The following DNHD1 variants were observed in gnomAD, a reference collection of about 807,000 sequenced individuals.
DNHD1 encodes the protein dynein heavy chain domain 1.
Under a neutral mutation model 458.1 loss-of-function variants are expected in DNHD1, and 383 were observed. That is an observed-to-expected ratio of 0.84 (90% CI 0.77 to 0.91). DNHD1 has a LOEUF of 0.91. Among genes scored for constraint, DNHD1 ranks in the 40% least tolerant of loss-of-function variants. The probability of loss-of-function intolerance (pLI) is 0.00; values close to 1 mark genes in which losing one functional copy is unlikely to be tolerated. For synonymous variants in DNHD1, 2,203 were observed against 2,376.9 expected (o/e 0.93, Z 2.13); for missense variants, 5,336 against 5,866.1 (o/e 0.91, Z 2.95).
chr11:6,558,115 A>G lies in DNHD1; in HGVS notation c.8820A>G (p.Pro2940=). ...GGCATGCTGGCATGTTAAGCCAGCCAGTGGCTCTGTTGGTACCCAGTGGTG... is the reference window on the plus strand; with the variant it reads ...GGCATGCTGGCATGTTAAGCCAGCCGGTGGCTCTGTTGGTACCCAGTGGTG... ...ASWHAGMLSQ[P]VALLVPSGVD... Residue 2940 remains proline (P), a synonymous_variant, in exon 25 of 43, where the codon CCA becomes CCG. Coordinates refer to ENST00000254579, the MANE Select transcript of DNHD1 (RefSeq NM_144666.3). 6.4e-7 allele frequency: 1 copy of G among 1,551,740 alleles called. No individual in the cohort carries two copies. The highest frequency in any genetic ancestry group is 2.0e-5 in the Admixed American group (1 of 51,014).
chr11:6,564,019 C>G lies in DNHD1; in HGVS notation c.10179C>G (p.Asn3393Lys). 1 of 1,551,764 alleles carries G rather than the reference C, an allele frequency of 6.4e-7. No homozygotes were observed. The highest frequency in any genetic ancestry group is 8.7e-7 in the Non-Finnish European group (1 of 1,147,012). ...KMVEDAQASH[N>K]CVAKTLSQAQ... The stretch of plus-strand genomic sequence containing the variant: ...TGGAGGATGCCCAAGCTTCCCACAA[C>G]TGCGTGGCAAAGACCCTCAGTCAAG... The change falls in exon 31 of 43, where the codon AAC becomes AAG. Residue 3393 changes from asparagine to lysine, a missense_variant. Transcript: ENST00000254579.
chr11:6,532,952 C>A, intron 12 of DNHD1, 75 bp from the exon 13 acceptor site: 8 of 1,429,064 alleles, frequency 5.6e-6, no homozygotes, highest in Non-Finnish European at 7.6e-6. Flanking sequence ...CCTACTCCCA[C>A]TCTGGACCAC....
chr11:6,552,728 G>C (rs1853386061), intron 24 of DNHD1, among the ~76,000 whole-genome samples: 1 of 151,932 alleles, frequency 6.6e-6, no homozygotes, highest in Non-Finnish European at 1.5e-5. Flanking sequence ...CAGCATGGGG[G>C]AAGCCGGCCC....
Position 6,568,709 on chromosome 11 carries a change from C to G in DNHD1, c.12706C>G (p.Leu4236Val). ...HSMPVFWNQS[L>V]ELGHVLIDSV... ...CATGCCTGTTTTCTGGAACCAGTCCCTGGAGCTGGGCCATGTTTTGATTGA... is the reference window on the plus strand; with the variant it reads ...CATGCCTGTTTTCTGGAACCAGTCCGTGGAGCTGGGCCATGTTTTGATTGA... Residue 4236 changes from leucine to valine, a missense_variant, in exon 39 of 43, where the codon CTG (leucine) becomes GTG (valine). By Grantham distance (32) the Leu-to-Val change is conservative. This residue lies in a region of DNHD1 where 695 missense variants were observed against 804.2 expected (regional missense o/e 0.86). Coordinates refer to ENST00000254579, the MANE Select transcript of DNHD1 (RefSeq NM_144666.3). 1 of 1,613,914 alleles carries G rather than the reference C, an allele frequency of 6.2e-7. No individual in the cohort carries two copies.
chr11:6,514,067 C>A, intron 7 of DNHD1, among the ~76,000 whole-genome samples: 1 of 151,980 alleles, frequency 6.6e-6, no homozygotes, highest in Non-Finnish European at 1.5e-5. Flanking sequence ...AGGATGGTCT[C>A]AATCTCCTGA....
At chr11:6,547,777 A>G in intron 21 of DNHD1, 86 bp from the exon 22 acceptor site, 1 of 1,518,642 alleles carries the variant, frequency 6.6e-7, no homozygotes, top group South Asian at 1.2e-5. Context: ...CAGGAGTGAA[A>G]AGTAATACTG....
chr11:6,554,841 C>A (rs567477851), intron 24 of DNHD1, among the ~76,000 whole-genome samples: 1 of 152,288 alleles, frequency 6.6e-6, no homozygotes, highest in African/African-American at 2.4e-5. Flanking sequence ...AAAATATATG[C>A]CAGTTTCTTA....
At position 6,547,364 on chromosome 11, in the gene DNHD1, G is replaced by A; in HGVS notation, c.6425G>A (p.Cys2142Tyr). ...TGISPTVVGC[C>Y]ALVWCGGEQT... The stretch of plus-strand genomic sequence containing the variant: ...ATATCCCCCACAGTGGTAGGCTGTT[G>A]TGCCCTAGTCTGGTGTGGTGGAGAG... The change falls in exon 21 of 43, where the codon TGT becomes TAT. Residue 2142 changes from cysteine (C) to tyrosine (Y), a missense_variant. This residue lies in a region of DNHD1 where 3,932 missense variants were observed against 4,365.6 expected (regional missense o/e 0.90). Transcript: ENST00000254579. 1 of 1,551,776 alleles carries A rather than the reference G, an allele frequency of 6.4e-7. No individual in the cohort carries two copies. The highest frequency in any genetic ancestry group is 8.7e-7 in the Non-Finnish European group (1 of 1,147,008).
At chr11:6,519,569 T>A in intron 7 of DNHD1, 31 bp from the exon 8 acceptor site, 1 of 1,612,082 alleles carries the variant, frequency 6.2e-7, no homozygotes, top group Non-Finnish European at 8.5e-7. Context: ...TCCATCCCCC[T>A]ATCTGGTGAG....
In DNHD1 at chr11:6,519,749, G is replaced by A. The variant is rs766988638; in HGVS notation, c.1542G>A (p.Trp514Ter). 5 of 1,614,002 alleles carry A rather than the reference G, an allele frequency of 3.1e-6. No homozygotes were observed. The South Asian group carries it at 4.4e-5, about 14-fold the overall frequency. Reference protein sequence around the residue: ...EQKLKQAEAWWLQLGKFARLV... With the variant: ...EQKLKQAEAW ...AGCTGAAGCAAGCAGAGGCCTGGTG[G>A]CTGCAGCTGGGAAAGTTTGCCCGCC... The change falls in exon 8 of 43, where the codon TGG (tryptophan) becomes TGA (stop). Residue 514 changes from tryptophan to a stop codon, truncating the protein, a stop_gained. Coordinates refer to ENST00000254579, the MANE Select transcript of DNHD1 (RefSeq NM_144666.3). LOFTEE classifies it high-confidence loss of function.
At position 6,568,769 on chromosome 11, in the gene DNHD1, C is replaced by G. The variant is rs376887297; in HGVS notation, c.12766C>G (p.Gln4256Glu). 2 of 1,613,396 alleles carry G rather than the reference C, an allele frequency of 1.2e-6. No individual in the cohort carries two copies. The highest frequency in any genetic ancestry group is 1.3e-5 in the African/African-American group (1 of 74,888). ...GCTAGCCCAGCAAGTACTCTACATGCAACCCCCCACCCAGGCACTACCTCT... is the reference window on the plus strand; with the variant it reads ...GCTAGCCCAGCAAGTACTCTACATGGAACCCCCCACCCAGGCACTACCTCT... ...VELAQQVLYM[Q>E]PPTQALPLLL... Residue 4256 changes from glutamine to glutamate, a missense_variant, in exon 39 of 43, where the codon CAA becomes GAA. Coordinates refer to ENST00000254579, the MANE Select transcript of DNHD1 (RefSeq NM_144666.3).
chr11:6,534,221 T>C (rs1852892150), intron 14 of DNHD1, 48 bp downstream of exon 14: 1 of 1,516,944 alleles, frequency 6.6e-7, no homozygotes, highest in Non-Finnish European at 8.9e-7. Flanking sequence ...GATAGACCCT[T>C]CAACTGAAGT....
intron 16 of DNHD1, 65 bp from the exon 17 acceptor site, chr11:6,539,154 A>G (rs1221074324): frequency 2.6e-6 from 3 of 1,137,566 alleles, no homozygotes; most frequent in South Asian, 2.7e-5. Context: ...GCTCTGGGAT[A>G]TGGGATATGG....
In DNHD1 at chr11:6,505,813, A is replaced by G. The variant is rs1224190655; in HGVS notation, c.920+2887A>G. On this transcript the variant is annotated intron_variant, in intron 4 of 42. Transcript: ENST00000254579. The surrounding 1 kb of genome is among the most constrained non-coding windows in gnomAD (Gnocchi z 4.4). Reference sequence around the variant, plus strand: ...TGGCATCACAATTAATTAAATTATCACTTGTGGTTGAATGTGATACTGACA... The same window carrying G: ...TGGCATCACAATTAATTAAATTATCGCTTGTGGTTGAATGTGATACTGACA... Among the ~76,000 whole-genome samples the G allele has an allele frequency of 6.6e-6, 1 of 152,160 alleles. No homozygotes were observed. The highest frequency in any genetic ancestry group is 2.4e-5 in the African/African-American group (1 of 41,408).
In DNHD1 at chr11:6,498,849, C is replaced by T; in HGVS notation, c.634C>T (p.Leu212=). 6.2e-7 allele frequency: 1 copy of T among 1,614,232 alleles called. No individual in the cohort carries two copies. The highest frequency in any genetic ancestry group is 8.5e-7 in the Non-Finnish European group (1 of 1,180,048). The change falls in exon 3 of 43, where the codon CTG becomes TTG. Residue 212 remains leucine (L), a synonymous_variant. Transcript: ENST00000254579. The stretch of plus-strand genomic sequence containing the variant: ...GGTGGCCCTAGAAGAGGCTGTGTGG[C>T]TGGATGGACTTAGTCTCCTTCCCTT... ...AQVALEEAVW[L]DGLSLLPLAL...
Position 6,538,776 on chromosome 11 carries a change from C to A in DNHD1, c.3291C>A (p.His1097Gln). Reference protein sequence around the residue: ...LPLLTKLGSLHPQSLNCQCLL... With the variant: ...LPLLTKLGSLQPQSLNCQCLL... Reference sequence around the variant, plus strand: ...TGCTCACTAAGCTGGGCAGCCTCCACCCACAGAGCCTCAACTGCCAGTGTC... The same window carrying A: ...TGCTCACTAAGCTGGGCAGCCTCCAACCACAGAGCCTCAACTGCCAGTGTC... The change falls in exon 16 of 43, where the codon CAC becomes CAA. Residue 1097 changes from histidine (H) to glutamine (Q), a missense_variant. By Grantham distance (24) the His-to-Gln change is conservative. This residue lies in a region of DNHD1 where 3,932 missense variants were observed against 4,365.6 expected (regional missense o/e 0.90). Coordinates refer to ENST00000254579, the MANE Select transcript of DNHD1 (RefSeq NM_144666.3). 1 of 1,532,016 alleles carries A rather than the reference C, an allele frequency of 6.5e-7. No homozygotes were observed. 94.9% of individuals were successfully genotyped at this position (1,532,016 alleles called of 1,614,324 possible).
chr11:6,545,161 G>A lies in DNHD1; in HGVS notation c.4222G>A (p.Asp1408Asn), dbSNP rs1307957811. The A allele has an allele frequency of 1.0e-5, 16 of 1,552,096 alleles. No homozygotes were observed. The highest frequency in any genetic ancestry group is 1.4e-5 in the Non-Finnish European group (16 of 1,147,080). Residue 1408 changes from aspartate (D) to asparagine (N), a missense_variant, in exon 21 of 43, where the codon GAC becomes AAC. Around this residue, in one of 4 missense-constraint regions of DNHD1, gnomAD observed 3,932 missense variants for 4,365.6 expected, o/e 0.90. Transcript: ENST00000254579. The surrounding 1 kb of genome is among the most constrained non-coding windows in gnomAD (Gnocchi z 4.9). ...SCPTGEKNTDDWESSPNTQTQ... is the reference protein window; with the variant it reads ...SCPTGEKNTDNWESSPNTQTQ... ...CCCAACTGGTGAGAAAAACACAGAT[G>A]ACTGGGAGTCAAGCCCAAACACACA...
intron 14 of DNHD1, among the ~76,000 whole-genome samples, chr11:6,537,390 G>A (rs1358681088): frequency 6.6e-6 from 1 of 152,144 alleles, no homozygotes; most frequent in African/African-American, 2.4e-5. Context: ...TATTTGTTGA[G>A]AGACTGCTGT....
At position 6,568,531 on chromosome 11, in the gene DNHD1, C is replaced by T. The variant is rs372638776; in HGVS notation, c.12616C>T (p.Arg4206Cys). The T allele has an allele frequency of 4.9e-5, 79 of 1,613,890 alleles. No individual in the cohort carries two copies. The highest frequency in any genetic ancestry group is 6.4e-5 in the Non-Finnish European group (75 of 1,179,896). ...TGTAAGCACTGTTCACAGAGATTTT[C>T]GTCTTTGGCTTATTGTGCCTGCAGA... ...RNVSTVHRDF[R>C]LWLIVPAESS... The change falls in exon 38 of 43, where the codon CGT becomes TGT. Residue 4206 changes from arginine to cysteine, a missense_variant. By Grantham distance (180) the Arg-to-Cys change is radical. Transcript: ENST00000254579.
Sources: allele counts gnomAD v4.1 joint callset (sites outside exome capture counted in the v4.1 genomes callset), GRCh38; gene constraint gnomAD v4.1.1; regional missense constraint gnomAD v4.1.1; non-coding constraint Gnocchi (gnomAD v3.1); transcripts MANE v1.5; gene names NCBI Gene and HGNC (gene_info 2026-07-23, HGNC 2026-07-21).